HOXB3: variants seen among roughly 807,000 people sequenced by gnomAD.
The protein encoded by HOXB3 is homeobox protein Hox-B3.
A neutral mutation model predicts 29.2 loss-of-function variants in HOXB3; 17 were observed. That is an observed-to-expected ratio of 0.58 (90% confidence interval 0.40 to 0.87). The LOEUF (loss-of-function observed/expected upper bound fraction) is 0.87. HOXB3 is among the 40% of genes least tolerant of loss of function. The pLI is 0.00. For missense variants in HOXB3, 637 were observed against 616.3 expected, an observed-to-expected ratio of 1.03 and a Z score of -0.35; for synonymous variants, 317 against 285.9, an observed-to-expected ratio of 1.11 and a Z score of -1.10.
rs1220688761 is a variant in HOXB3, at chr17:48,554,648, C to T, written c.-159+883G>A. 1.4e-6 allele frequency: 1 copy of T among 702,170 alleles called. No homozygotes were observed. The highest frequency in any genetic ancestry group is 2.6e-6 in the Non-Finnish European group (1 of 384,774). 43.5% of individuals were successfully genotyped at this position (702,170 alleles called of 1,614,324 possible). ...AGCCACCTACGATGGCCCAAGGAGGCGAAGAAGAGCAAGCGATCAGGACAC... is the reference window on the plus strand; with the variant it reads ...AGCCACCTACGATGGCCCAAGGAGGTGAAGAAGAGCAAGCGATCAGGACAC... On this transcript the variant is annotated intron_variant, in intron 3 of 4. Transcript: ENST00000498678. This position sits in a 1 kb window ranked among gnomAD's most constrained non-coding sequence, Gnocchi z 4.1.
intron 2 of HOXB3, among the ~76,000 whole-genome samples, chr17:48,558,107 G>A (rs1220678957): frequency 6.6e-6 from 1 of 152,166 alleles, no homozygotes; most frequent in African/African-American, 2.4e-5. Flanking sequence ...ACTATCATTG[G>A]GTTAGAGAAG....
chr17:48,589,725 T>C (rs1475209973), intron 1 of HOXB3, among the ~76,000 whole-genome samples: 2 of 152,104 alleles, frequency 1.3e-5, no homozygotes, highest in Admixed American at 1.3e-4. Flanking sequence ...GACAAATGAA[T>C]GTCATAAAGT....
chr17:48,579,844 G>C (rs1442850730), intron 1 of HOXB3: 3 of 494,992 alleles, frequency 6.1e-6, no homozygotes, highest in East Asian at 1.2e-4. Flanking sequence ...AATAAGAGCG[G>C]AGTGTTTATG....
Position 48,554,992 on chromosome 17 carries a change from C to T in HOXB3, c.-159+539G>A, listed in dbSNP as rs866585321. ...GGAAAAATTCAGGTTCCATATGGCTCCTCGGGAGGGAGGGAGGGAGACGGT... is the reference window on the plus strand; with the variant it reads ...GGAAAAATTCAGGTTCCATATGGCTTCTCGGGAGGGAGGGAGGGAGACGGT... On this transcript the variant is annotated intron_variant, in intron 3 of 4. Transcript: ENST00000498678. This position sits in a 1 kb window ranked among gnomAD's most constrained non-coding sequence, Gnocchi z 4.1. Among the ~76,000 whole-genome samples the T allele has an allele frequency of 9.2e-5, 14 of 152,172 alleles. No homozygotes were observed. Among genetic ancestry groups the T allele is most frequent in the African/African-American group, 3.1e-4 (13 of 41,500 alleles).
At chr17:48,561,183 AACACACACACAC>A (rs530713063) in intron 2 of HOXB3, among the ~76,000 whole-genome samples, 48 of 125,490 alleles carry the variant, frequency 3.8e-4, no homozygotes, top group Admixed American at 9.8e-4. Flanking sequence ...TCCGTCTCAA[AACACACACACAC>A]ACACACACAC....
At chr17:48,578,468 G>A (rs1218587756) in intron 1 of HOXB3, 1 of 990,050 alleles carries the variant, frequency 1.0e-6, no homozygotes, top group Non-Finnish European at 1.4e-6. Flanking sequence ...CCCCGCCTGC[G>A]ATTCCCGGAT....
chr17:48,583,208 T>C (rs1036744767), intron 1 of HOXB3, among the ~76,000 whole-genome samples: 1 of 151,978 alleles, frequency 6.6e-6, no homozygotes, highest in Admixed American at 6.6e-5. Flanking sequence ...CTGAGAGAGG[T>C]GCTGGGCTGG....
chr17:48,564,541 G>A (rs28589381), intron 2 of HOXB3, among the ~76,000 whole-genome samples: 14,248 of 152,274 alleles, frequency 0.094, 1,131 homozygotes, highest in East Asian at 0.23. Flanking sequence ...ACTCCGTCCG[G>A]GCCGCGCAGG....
intron 2 of HOXB3, among the ~76,000 whole-genome samples, chr17:48,569,718 G>A (rs2069519023): frequency 6.6e-6 from 1 of 152,156 alleles, no homozygotes; most frequent in East Asian, 1.9e-4. Context: ...CACTTCATAA[G>A]TCCATGGTAT....
chr17:48,575,616 G>A (rs2069732246), intron 1 of HOXB3: 1 of 152,422 alleles, frequency 6.6e-6, no homozygotes, highest in African/African-American at 2.4e-5. Context: ...GGTAGGAAGG[G>A]GCCTGGTTTT....
chr17:48,555,506 G>T (rs2068949027), intron 3 of HOXB3, 25 bp downstream of exon 3: 2 of 702,652 alleles, frequency 2.8e-6, no homozygotes, highest in East Asian at 5.4e-5. Flanking sequence ...TTCACAAACT[G>T]ATAGCCTATT....
chr17:48,567,550 C>G (rs1455745846), intron 2 of HOXB3, among the ~76,000 whole-genome samples: 1 of 152,138 alleles, frequency 6.6e-6, no homozygotes, highest in African/African-American at 2.4e-5. Flanking sequence ...GACCAGCAGC[C>G]TCTCCCCTAG....
At chr17:48,576,754 CA>C in intron 1 of HOXB3, 2 of 1,613,340 alleles carry the variant, frequency 1.2e-6, no homozygotes, top group Non-Finnish European at 1.7e-6. Context: ...TTGGGCCGGC[CA>C]GGGGGCCCTC....
At chr17:48,568,275 A>G (rs1401028707) in intron 2 of HOXB3, among the ~76,000 whole-genome samples, 1 of 152,204 alleles carries the variant, frequency 6.6e-6, no homozygotes, top group Non-Finnish European at 1.5e-5. Context: ...TGGCTCTATC[A>G]GGCTCACAAA....
At chr17:48,551,944 C>T in intron 4 of HOXB3, 83 bp downstream of exon 4, 1 of 1,325,650 alleles carries the variant, frequency 7.5e-7, no homozygotes, top group Non-Finnish European at 1.0e-6. Flanking sequence ...GCCTCGCGGG[C>T]GCCTAGGGGC....
chr17:48,569,803 A>G (rs2069521871), intron 2 of HOXB3, among the ~76,000 whole-genome samples: 1 of 152,212 alleles, frequency 6.6e-6, no homozygotes, highest in Non-Finnish European at 1.5e-5. Flanking sequence ...GGGGCAAAAA[A>G]GGGACAGGGT....
rs574068455 is a variant in HOXB3, at chr17:48,554,488, G to A, written c.-159+1043C>T. ...TGGAAAGCGAAGGAGCCAGAGACGC[G>A]ATAGGAAAGAATGGAGACTCCGCCG... On this transcript the variant is annotated intron_variant, in intron 3 of 4. Coordinates refer to ENST00000498678, the MANE Select transcript of HOXB3 (RefSeq NM_001384749.1). This position sits in a 1 kb window ranked among gnomAD's most constrained non-coding sequence, Gnocchi z 4.1. 3.7e-5 allele frequency: 23 copies of A among 614,448 alleles called. 1 individual carries two copies. In the South Asian group the frequency reaches 4.4e-4, roughly 12 times the overall value. The allele number at this position is 614,448 out of a possible 1,614,324, so 38.1% of individuals were successfully genotyped here.
In HOXB3 at chr17:48,554,730, C is replaced by T; in HGVS notation, c.-159+801G>A. On this transcript the variant is annotated intron_variant, in intron 3 of 4. Transcript: ENST00000498678. This position sits in a 1 kb window ranked among gnomAD's most constrained non-coding sequence, Gnocchi z 4.1. ...CACCAGCCGGCCGAGGGCCGAGCCC[C>T]GCGGGCGGCAGCAAGTTTTGGGAGC... 1.4e-6 allele frequency: 1 copy of T among 702,402 alleles called. No individual in the cohort carries two copies. The allele number at this position is 702,402 out of a possible 1,614,324, so 43.5% of individuals were successfully genotyped here.
At chr17:48,564,771 G>A (rs1470932905) in intron 2 of HOXB3, among the ~76,000 whole-genome samples, 3 of 152,244 alleles carry the variant, frequency 2.0e-5, no homozygotes, top group African/African-American at 4.8e-5. Context: ...GGGGAAGGGA[G>A]AGAGTTCTGG....
Sources: allele counts gnomAD v4.1 joint callset (sites outside exome capture counted in the v4.1 genomes callset), GRCh38; gene constraint gnomAD v4.1.1; non-coding constraint Gnocchi (gnomAD v3.1); transcripts MANE v1.5; gene names NCBI Gene and HGNC (gene_info 2026-07-23, HGNC 2026-07-21).